The following CELSR1 variants were observed in gnomAD, a reference collection of about 807,000 sequenced individuals.
CELSR1 encodes the protein cadherin EGF LAG seven-pass G-type receptor 1, also known as adhesion G protein-coupled receptor C1.
CELSR1 carries 110 observed loss-of-function variants against 249.1 expected under a neutral mutation model. That is an observed-to-expected ratio of 0.44 (90% CI 0.38 to 0.52). The LOEUF is 0.52. Ranked by LOEUF, CELSR1 falls within the 20% of genes least tolerant of loss-of-function variation. The pLI is 0.00. For missense variants in CELSR1, 4,109 were observed against 4,296.4 expected (o/e 0.96, Z 1.22); for synonymous variants, 2,113 against 1,900.0 (o/e 1.11, Z -2.92).
In CELSR1 at chr22:46,374,316, ACAAAGTGCGAGGGCTGTG is replaced by A. The variant is rs2078893971; in HGVS notation, c.7585-1277_7585-1260del. ...AAACCCACGAAACCACCTTTTGAAAACAAAGTGCGAGGGCTGTGCCATCCTGGCTGCAGCAGGGTCGTA... is the reference window on the plus strand; with the variant it reads ...AAACCCACGAAACCACCTTTTGAAAACCATCCTGGCTGCAGCAGGGTCGTA... On this transcript the variant is annotated intron_variant, in intron 24 of 34. Coordinates refer to ENST00000674500, the MANE Select transcript of CELSR1 (RefSeq NM_001378328.1). The surrounding 1 kb of genome is among the most constrained non-coding windows in gnomAD (Gnocchi z 4.3). 6.6e-6 allele frequency among the ~76,000 whole-genome samples: 1 copy of A among 152,192 alleles called. No homozygotes were observed. The highest frequency in any genetic ancestry group is 2.4e-5 in the African/African-American group (1 of 41,440).
chr22:46,414,791 CAAAAGAACTGAA>C (rs1199390122), intron 5 of CELSR1, among the ~76,000 whole-genome samples: 1 of 152,222 alleles, frequency 6.6e-6, no homozygotes, highest in Admixed American at 6.5e-5. Context: ...GGCGTGTACC[CAAAAGAACTGAA>C]AACAGGAACT....
intron 19 of CELSR1, 116 bp downstream of exon 19, chr22:46,386,285 TA>T: frequency 8.4e-7 from 1 of 1,197,352 alleles, no homozygotes; most frequent in Non-Finnish European, 1.1e-6. Context: ...ATCATTTTTC[TA>T]AGAGCATGGC....
intron 2 of CELSR1, among the ~76,000 whole-genome samples, chr22:46,455,205 T>G (rs1026940699): frequency 6.6e-6 from 1 of 152,196 alleles, no homozygotes; most frequent in African/African-American, 2.4e-5. Context: ...ATTTCTGGCC[T>G]CCAGAACAGT....
At chr22:46,439,080 G>T (rs1180791963) in intron 3 of CELSR1, 109 bp downstream of exon 3, 2 of 1,080,844 alleles carry the variant, frequency 1.9e-6, no homozygotes, top group Non-Finnish European at 2.7e-6. Flanking sequence ...ACTATCAAAG[G>T]CCACACACGG....
Position 46,396,968 on chromosome 22 carries a change from G to C in CELSR1, c.5702-222C>G, listed in dbSNP as rs973938659. Among the ~76,000 whole-genome samples the C allele has an allele frequency of 3.9e-5, 6 of 152,080 alleles. No homozygotes were observed. The highest frequency in any genetic ancestry group is 1.5e-4 in the African/African-American group (6 of 41,362). On this transcript the variant is annotated intron_variant, in intron 12 of 34. Transcript: ENST00000674500. The surrounding 1 kb of genome is among the most constrained non-coding windows in gnomAD (Gnocchi z 6.4). ...TCCCGGGCTGCCCCAAGGAGGGTGA[G>C]AGCCTTGGAACACGGGGCCCAGGCT...
rs1009267967 is a variant in CELSR1 at position 46,409,513 on chromosome 22, C to T, written c.5059+242G>A. On this transcript the variant is annotated intron_variant, in intron 8 of 34. Coordinates refer to ENST00000674500, the MANE Select transcript of CELSR1 (RefSeq NM_001378328.1). The surrounding 1 kb of genome is among the most constrained non-coding windows in gnomAD (Gnocchi z 9.8). Reference sequence around the variant, plus strand: ...CTGGGGTGCTGGGGCTGGGCTCTGCCGGCCCAGCCTACCTGTCCCACCCCA... The same window carrying T: ...CTGGGGTGCTGGGGCTGGGCTCTGCTGGCCCAGCCTACCTGTCCCACCCCA... Among the ~76,000 whole-genome samples the T allele has an allele frequency of 6.6e-6, 1 of 152,106 alleles. No individual in the cohort carries two copies. The highest frequency in any genetic ancestry group is 1.5e-5 in the Non-Finnish European group (1 of 68,002).
rs1438562228 is a variant in CELSR1, at chr22:46,390,020, G to A, written c.6345+372C>T. Among the ~76,000 whole-genome samples the A allele has an allele frequency of 2.0e-5, 3 of 152,184 alleles. No homozygotes were observed. In the East Asian group the frequency reaches 5.8e-4, roughly 29 times the overall value. ...CTGACAGCTAGACCATGGAAACGAG[G>A]GTCTGGTGGGCCAAAGAGGGCTCAG... On this transcript the variant is annotated intron_variant, in intron 17 of 34. Coordinates refer to ENST00000674500, the MANE Select transcript of CELSR1 (RefSeq NM_001378328.1). This position sits in a 1 kb window ranked among gnomAD's most constrained non-coding sequence, Gnocchi z 6.3.
rs375360015 is a variant in CELSR1 at position 46,464,828 on chromosome 22, C to A, written c.3545-483G>T. Reference sequence around the variant, plus strand: ...CTCCCAACAGTTCTTCCTGTCCTCGCAGCTCAGCTCAAACTCTGCAGTGCC... The same window carrying A: ...CTCCCAACAGTTCTTCCTGTCCTCGAAGCTCAGCTCAAACTCTGCAGTGCC... On this transcript the variant is annotated intron_variant, in intron 1 of 34. Transcript: ENST00000674500. The surrounding 1 kb of genome is among the most constrained non-coding windows in gnomAD (Gnocchi z 8.5). Among the ~76,000 whole-genome samples the A allele has an allele frequency of 1.3e-5, 2 of 152,172 alleles. No homozygotes were observed. Among genetic ancestry groups the A allele is most frequent in the South Asian group, 2.1e-4 (1 of 4,832 alleles).
intron 1 of CELSR1, among the ~76,000 whole-genome samples, chr22:46,478,298 C>T (rs930288139): frequency 3.3e-5 from 5 of 152,234 alleles, no homozygotes; most frequent in African/African-American, 1.2e-4. Context: ...TCGCTCTTCC[C>T]TGCCAGAACC....
chr22:46,474,670 G>C (rs2080189273), intron 1 of CELSR1, among the ~76,000 whole-genome samples: 1 of 151,694 alleles, frequency 6.6e-6, no homozygotes, highest in African/African-American at 2.4e-5. Flanking sequence ...TAGAGCAACA[G>C]AACTTATTCC....
In CELSR1 at chr22:46,460,211, A is replaced by ACACACACACACACCCC. The variant is rs773925316; in HGVS notation, c.4183+3495_4183+3496insGGGGTGTGTGTGTGTG. Among the ~76,000 whole-genome samples, 426 of 148,968 alleles carry ACACACACACACACCCC rather than the reference A, an allele frequency of 2.9e-3. 3 individuals carry two copies. Among genetic ancestry groups the ACACACACACACACCCC allele is most frequent in the Middle Eastern group, 0.01 (3 of 286 alleles). On this transcript the variant is annotated intron_variant, in intron 2 of 34. Transcript: ENST00000674500. ...CACACACACACACACACACACACAC[A>ACACACACACACACCCC]CACACCCATTAGCTACAGTCCCTGC...
chr22:46,458,915 GAC>G, intron 2 of CELSR1, among the ~76,000 whole-genome samples: 1 of 152,102 alleles, frequency 6.6e-6, no homozygotes, highest in Non-Finnish European at 1.5e-5. Flanking sequence ...TTGTTTTTGA[GAC>G]AGTCTCACTC....
intron 1 of CELSR1, among the ~76,000 whole-genome samples, chr22:46,475,170 G>A (rs2080195300): frequency 2.0e-5 from 3 of 152,106 alleles, no homozygotes; most frequent in African/African-American, 2.4e-5. Context: ...AGATATGGAG[G>A]AGAGCACGAA....
intron 5 of CELSR1, among the ~76,000 whole-genome samples, chr22:46,422,573 AAAAAAATAATAATAAT>A (rs2079487833): frequency 6.7e-6 from 1 of 149,830 alleles, no homozygotes; most frequent in Non-Finnish European, 1.5e-5. Flanking sequence ...TCTCTACTAA[AAAAAAATAATAATAAT>A]AAAAAATAAA....
chr22:46,514,432 C>A (rs1423430446), intron 1 of CELSR1, among the ~76,000 whole-genome samples: 3 of 152,300 alleles, frequency 2.0e-5, no homozygotes, highest in African/African-American at 7.2e-5. Context: ...GGAGTCAGGT[C>A]CACCTGCACT....
Position 46,386,583 on chromosome 22 carries a change from G to C in CELSR1, c.6558C>G (p.Asp2186Glu). 6.3e-7 allele frequency: 1 copy of C among 1,588,812 alleles called. No individual in the cohort carries two copies. Among genetic ancestry groups the C allele is most frequent in the East Asian group, 2.3e-5 (1 of 44,164 alleles). ...AATQDADFHE[D>E]VIHSGSALLA... ...GGAGGGCGCTGCCCGAGTGGATGAC[G>C]TCCTGGTCAGACAGACAGCACTCAG... Residue 2186 changes from aspartate (D) to glutamate (E), a missense_variant and splice_region_variant, in exon 19 of 35, where the codon GAC becomes GAG. Asp to Glu is a conservative substitution (Grantham distance 45, BLOSUM62 2). Around this residue, in one of 7 missense-constraint regions of CELSR1, gnomAD observed 1,805 missense variants for 1,831.6 expected, o/e 0.99. Transcript: ENST00000674500.
rs781485740 is a variant in CELSR1 at position 46,533,852 on chromosome 22, G to A, written c.3319C>T (p.Leu1107Phe). 3 of 1,613,924 alleles carry A rather than the reference G, an allele frequency of 1.9e-6. No homozygotes were observed. The highest frequency in any genetic ancestry group is 2.2e-5 in the East Asian group (1 of 44,882). Residue 1107 changes from leucine to phenylalanine, a missense_variant, in exon 1 of 35, where the codon CTC becomes TTC. This residue lies in a region of CELSR1 where 886 missense variants were observed against 896.5 expected (regional missense o/e 0.99). Transcript: ENST00000674500. ...TTGTTGGTGACATAGTTGTTGAAGA[G>A]GATCTGGAAGTCGGGCAGCACAGGC... is the stretch of plus-strand genomic sequence containing the variant. The part of the protein sequence containing the change: ...NPPVLPDFQI[L>F]FNNYVTNKSN...
Position 46,363,254 on chromosome 22 carries a change from G to C in CELSR1, c.9036-7C>G. 2 of 1,610,544 alleles carry C rather than the reference G, an allele frequency of 1.2e-6. No individual in the cohort carries two copies. The highest frequency in any genetic ancestry group is 3.3e-5 in the Admixed American group (2 of 60,014). On this transcript the variant is annotated splice_polypyrimidine_tract_variant and splice_region_variant and intron_variant, in intron 34 of 34. Transcript: ENST00000674500. The surrounding 1 kb of genome is among the most constrained non-coding windows in gnomAD (Gnocchi z 4.3). The stretch of plus-strand genomic sequence containing the variant: ...TGAAGTTTCATTACTGCCTCTGCGC[G>C]TGGGAAGAAGCCAGCAAGCAGGTGA...
intron 2 of CELSR1, among the ~76,000 whole-genome samples, chr22:46,456,219 CT>C (rs2079947326): frequency 6.6e-6 from 1 of 152,258 alleles, no homozygotes; most frequent in African/African-American, 2.4e-5. Context: ...ACGTGCAACC[CT>C]GCGCTAAGCA....
Sources: allele counts gnomAD v4.1 joint callset (sites outside exome capture counted in the v4.1 genomes callset), GRCh38; gene constraint gnomAD v4.1.1; regional missense constraint gnomAD v4.1.1; non-coding constraint Gnocchi (gnomAD v3.1); transcripts MANE v1.5; gene names NCBI Gene and HGNC (gene_info 2026-07-23, HGNC 2026-07-21).